The following ABCA5 variants were observed in gnomAD, a reference collection of about 807,000 sequenced individuals.
ABCA5 encodes the protein ATP binding cassette subfamily A member 5.
In ABCA5, 163 loss-of-function variants were observed where a neutral mutation model predicts 206.0. The observed-to-expected ratio is 0.79, with a 90% confidence interval of 0.70 to 0.90. The LOEUF (loss-of-function observed/expected upper bound fraction) is 0.90, where lower values mean the gene tolerates loss of function less well. Among genes scored for constraint, ABCA5 ranks in the 40% least tolerant of loss-of-function variants. The pLI is 0.00. For synonymous variants in ABCA5, 609 were observed against 613.8 expected (o/e 0.99, Z 0.11); for missense variants, 1,859 against 1,912.9 (o/e 0.97, Z 0.53).
chr17:69,270,447 G>C (rs913413917), intron 22 of ABCA5, among the ~76,000 whole-genome samples, 166 bp downstream of exon 22: 2 of 151,754 alleles, frequency 1.3e-5, no homozygotes, highest in Non-Finnish European at 2.9e-5. Flanking sequence ...ACTTCTACTG[G>C]GGAATCCTAA....
chr17:69,255,760 T>C lies in ABCA5; in HGVS notation c.3949A>G (p.Lys1317Glu), dbSNP rs2075070554. 1 of 1,595,614 alleles carries C rather than the reference T, an allele frequency of 6.3e-7. No individual in the cohort carries two copies. The highest frequency in any genetic ancestry group is 1.4e-5 in the African/African-American group (1 of 73,710). Residue 1317 changes from lysine to glutamate, a missense_variant, in exon 30 of 39, where the codon AAA becomes GAA. Transcript: ENST00000392676. ...TTTTTCACACAGAAAGAGATGTATT[T>C]AGTTGCCACTTTCTTTACTTTTCTT... The part of the protein sequence containing the change: ...LSRKVKKVAT[K>E]YISFCVKKGE...
In ABCA5 at chr17:69,297,287, T is replaced by A. The variant is rs1351087566; in HGVS notation, c.1340A>T (p.Tyr447Phe). The A allele has an allele frequency of 1.2e-6, 2 of 1,613,020 alleles. No individual in the cohort carries two copies. The highest frequency in any genetic ancestry group is 1.7e-6 in the Non-Finnish European group (2 of 1,179,552). The part of the protein sequence containing the change: ...PSYWSKSKRN[Y>F]EELSEGNVNG... Reference sequence around the variant, plus strand: ...AACATTGCCCTCTGATAACTCCTCATAATTTCTTTTGCTCTTTGACCAATA... The same window carrying A: ...AACATTGCCCTCTGATAACTCCTCAAAATTTCTTTTGCTCTTTGACCAATA... Residue 447 changes from tyrosine (Y) to phenylalanine (F), a missense_variant, in exon 10 of 39, where the codon TAT (tyrosine) becomes TTT (phenylalanine). Coordinates refer to ENST00000392676, the MANE Select transcript of ABCA5 (RefSeq NM_172232.4).
At position 69,286,201 on chromosome 17, in the gene ABCA5, T is replaced by C; in HGVS notation, c.2132+20A>G. The C allele has an allele frequency of 6.3e-7, 1 of 1,593,638 alleles. No individual in the cohort carries two copies. Among genetic ancestry groups the C allele is most frequent in the South Asian group, 1.1e-5 (1 of 88,288 alleles). On this transcript the variant is annotated intron_variant, in intron 16 of 38. Transcript: ENST00000392676. ...AGCAAGAGTATAATATAGAATAATGTCAATAAAAATGAATGATACCTCAGG... is the reference window on the plus strand; with the variant it reads ...AGCAAGAGTATAATATAGAATAATGCCAATAAAAATGAATGATACCTCAGG...
rs915969524 is a variant in ABCA5, at chr17:69,245,736, C to T, written c.*1801G>A. 1 of 151,734 alleles carries T rather than the reference C, an allele frequency of 6.6e-6. No individual in the cohort carries two copies. Among genetic ancestry groups the T allele is most frequent in the African/African-American group, 2.4e-5 (1 of 41,268 alleles). 9.4% of individuals were successfully genotyped at this position (151,734 alleles called of 1,614,324 possible). A position where few individuals can be genotyped will look rare whatever the true frequency, so the allele number is the denominator to read the frequency against. ...CATGATTGTGACTACTCAACTTTCA[C>T]TTTGCAGGAAAAAAAATTTACTTTG... On this transcript the variant is annotated 3_prime_UTR_variant, in exon 39 of 39. Coordinates refer to ENST00000392676, the MANE Select transcript of ABCA5 (RefSeq NM_172232.4).
chr17:69,304,910 T>A, intron 6 of ABCA5, 100 bp from the exon 7 acceptor site: 1 of 1,134,604 alleles, frequency 8.8e-7, no homozygotes, highest in Non-Finnish European at 1.2e-6. Flanking sequence ...CATTTTATTC[T>A]TAAAATTAAG....
intron 28 of ABCA5, 60 bp downstream of exon 28, chr17:69,259,646 T>A (rs577569564): frequency 8.6e-7 from 1 of 1,163,632 alleles, no homozygotes; most frequent in East Asian, 2.6e-5. Flanking sequence ...GTTATGGTAA[T>A]GGTTACACAG....
chr17:69,287,779 G>A, intron 14 of ABCA5, 28 bp from the exon 15 acceptor site: 1 of 1,598,236 alleles, frequency 6.3e-7, no homozygotes, highest in Non-Finnish European at 8.5e-7. Context: ...AAGAAGGGCA[G>A]GGAATCCTCA....
At chr17:69,315,973 A>T (rs2075812520) in intron 1 of ABCA5, among the ~76,000 whole-genome samples, 1 of 152,172 alleles carries the variant, frequency 6.6e-6, no homozygotes, top group South Asian at 2.1e-4. Flanking sequence ...GACATTAAGC[A>T]GAATCAAATG....
Position 69,253,610 on chromosome 17 carries a change from A to G in ABCA5, c.4378T>C (p.Ser1460Pro), listed in dbSNP as rs1184532406. The change falls in exon 34 of 39, where the codon TCT becomes CCT. Residue 1460 changes from serine to proline, a missense_variant. Coordinates refer to ENST00000392676, the MANE Select transcript of ABCA5 (RefSeq NM_172232.4). ...NPQITLLDEPSTGMDPKAKQH... is the reference protein window; with the variant it reads ...NPQITLLDEPPTGMDPKAKQH... ...TTGGCTTTGGGATCCATACCTGTAG[A>G]TGGTTCATCTAGCAAAGTAATCTGA... 16 of 1,613,878 alleles carry G rather than the reference A, an allele frequency of 9.9e-6. No homozygotes were observed. Among genetic ancestry groups the G allele is most frequent in the Non-Finnish European group, 1.3e-5 (15 of 1,179,854 alleles).
In ABCA5 at chr17:69,286,220, C is replaced by T. The variant is rs1273983772; in HGVS notation, c.2132+1G>A. On this transcript the variant is annotated splice_donor_variant, in intron 16 of 38. Transcript: ENST00000392676. LOFTEE classifies it high-confidence loss of function. ...ATAATGTCAATAAAAATGAATGATA[C>T]CTCAGGCGGTAGCCGATCCCCCATT... The T allele has an allele frequency of 1.9e-6, 3 of 1,601,492 alleles. No homozygotes were observed. The highest frequency in any genetic ancestry group is 2.6e-6 in the Non-Finnish European group (3 of 1,175,892).
chr17:69,259,889 A>T (rs1300573947), intron 27 of ABCA5, 92 bp from the exon 28 acceptor site: 1 of 628,726 alleles, frequency 1.6e-6, no homozygotes, highest in Non-Finnish European at 2.7e-6. Flanking sequence ...GACTACATAC[A>T]TCAAGTTCCT....
intron 4 of ABCA5, 40 bp from the exon 5 acceptor site, chr17:69,308,408 C>A: frequency 7.5e-7 from 1 of 1,328,882 alleles, no homozygotes; most frequent in South Asian, 1.2e-5. Context: ...TTCTGTACAA[C>A]ATGCAAGTGC....
rs1176543541 is a variant in ABCA5, at chr17:69,297,245, A to T, written c.1382T>A (p.Phe461Tyr). The change falls in exon 10 of 39, where the codon TTT (phenylalanine) becomes TAT (tyrosine). Residue 461 changes from phenylalanine to tyrosine, a missense_variant. Coordinates refer to ENST00000392676, the MANE Select transcript of ABCA5 (RefSeq NM_172232.4). Reference protein sequence around the residue: ...SEGNVNGNISFSEIIEPVSSE... With the variant: ...SEGNVNGNISYSEIIEPVSSE... ...AGAAACTGGCTCAATAATTTCACTAAAACTAATATTTCCATTAACATTGCC... is the reference window on the plus strand; with the variant it reads ...AGAAACTGGCTCAATAATTTCACTATAACTAATATTTCCATTAACATTGCC... 7.4e-6 allele frequency: 12 copies of T among 1,612,970 alleles called. No individual in the cohort carries two copies. The highest frequency in any genetic ancestry group is 1.0e-5 in the Non-Finnish European group (12 of 1,179,642).
chr17:69,300,274 G>A (rs1473198497), intron 9 of ABCA5, among the ~76,000 whole-genome samples: 1 of 152,140 alleles, frequency 6.6e-6, no homozygotes, highest in East Asian at 1.9e-4. Context: ...ATACTCCTAT[G>A]AGAATTGAAT....
In ABCA5 at chr17:69,249,996, G is replaced by T; in HGVS notation, c.4686-12C>A. ...AAATAGAAGAAAAACTGGAAAAAAAGATAAAATATGGAAAAAAATTAAAAA... is the reference window on the plus strand; with the variant it reads ...AAATAGAAGAAAAACTGGAAAAAAATATAAAATATGGAAAAAAATTAAAAA... On this transcript the variant is annotated splice_polypyrimidine_tract_variant and intron_variant, in intron 36 of 38. Coordinates refer to ENST00000392676, the MANE Select transcript of ABCA5 (RefSeq NM_172232.4). 4 of 1,436,556 alleles carry T rather than the reference G, an allele frequency of 2.8e-6. No homozygotes were observed. Among genetic ancestry groups the T allele is most frequent in the South Asian group, 1.6e-5 (1 of 62,920 alleles). The allele number at this position is 1,436,556 out of a possible 1,614,324, so 89.0% of individuals were successfully genotyped here.
Position 69,326,503 on chromosome 17 carries a change from G to A in ABCA5, c.-16+549C>T, listed in dbSNP as rs2075897528. On this transcript the variant is annotated intron_variant, in intron 1 of 38. Coordinates refer to ENST00000392676, the MANE Select transcript of ABCA5 (RefSeq NM_172232.4). The surrounding 1 kb of genome is among the most constrained non-coding windows in gnomAD (Gnocchi z 4.8). ...CTCCTATTCGTGTTTTAGGATCAGG[G>A]AATTTCCCTCCCAAACTGTGTCATG... 6.6e-6 allele frequency among the ~76,000 whole-genome samples: 1 copy of A among 152,162 alleles called. No homozygotes were observed. The highest frequency in any genetic ancestry group is 1.5e-5 in the Non-Finnish European group (1 of 68,048).
intron 20 of ABCA5, 126 bp from the exon 21 acceptor site, chr17:69,271,415 T>C (rs2075272480): frequency 9.3e-7 from 1 of 1,071,258 alleles, no homozygotes; most frequent in African/African-American, 1.6e-5. Flanking sequence ...AGTAAGTACA[T>C]TGGCTCTGAA....
chr17:69,316,195 A>C (rs998984671), intron 1 of ABCA5, among the ~76,000 whole-genome samples: 2 of 152,238 alleles, frequency 1.3e-5, no homozygotes, highest in Non-Finnish European at 2.9e-5. Context: ...ACAGTGCTTC[A>C]GAAAACTGTG....
At chr17:69,271,736 TAAG>T (rs1304372018) in intron 20 of ABCA5, among the ~76,000 whole-genome samples, 2 of 152,132 alleles carry the variant, frequency 1.3e-5, no homozygotes, top group Admixed American at 6.6e-5. Flanking sequence ...GGTTAAATAA[TAAG>T]AATAAAAATC....
Sources: allele counts gnomAD v4.1 joint callset (sites outside exome capture counted in the v4.1 genomes callset), GRCh38; gene constraint gnomAD v4.1.1; non-coding constraint Gnocchi (gnomAD v3.1); transcripts MANE v1.5; gene names NCBI Gene and HGNC (gene_info 2026-07-23, HGNC 2026-07-21).